IGF1R: variants seen among roughly 807,000 people sequenced by gnomAD.
The protein encoded by IGF1R is insulin-like growth factor 1 receptor.
IGF1R carries 44 observed loss-of-function variants against 144.6 expected under a neutral mutation model. That is an observed-to-expected ratio of 0.30 (90% CI 0.24 to 0.39). IGF1R has a LOEUF of 0.39. Ranked by LOEUF, IGF1R falls within the 10% of genes least tolerant of loss-of-function variation. IGF1R has a pLI of 1.00. For missense variants in IGF1R, 1,355 were observed against 1,833.7 expected (o/e 0.74, Z 4.77); for synonymous variants, 795 against 722.8 (o/e 1.10, Z -1.60).
chr15:98,777,871 C>G (rs550548111), intron 2 of IGF1R, among the ~76,000 whole-genome samples: 67 of 152,272 alleles, frequency 4.4e-4, no homozygotes, highest in Admixed American at 1.4e-3. Context: ...CAAATGTAGA[C>G]CACTGCAGAT....
Position 98,958,208 on chromosome 15 carries a change from G to C in IGF1R, c.*766G>C, listed in dbSNP as rs2017088160. 1 of 232,326 alleles carries C rather than the reference G, an allele frequency of 4.3e-6. No individual in the cohort carries two copies. Among genetic ancestry groups the C allele is most frequent in the South Asian group, 1.8e-4 (1 of 5,530 alleles). 14.4% of individuals were successfully genotyped at this position (232,326 alleles called of 1,614,324 possible). ...CAGGCACACAGGTCTCATTGCTTCT[G>C]ACTAGATTATTATTTGGGGGAACTG... is the stretch of plus-strand genomic sequence containing the variant. On this transcript the variant is annotated 3_prime_UTR_variant, in exon 21 of 21. Coordinates refer to ENST00000650285, the MANE Select transcript of IGF1R (RefSeq NM_000875.5).
At chr15:98,739,884 G>T (rs1373799212) in intron 2 of IGF1R, among the ~76,000 whole-genome samples, 2 of 152,168 alleles carry the variant, frequency 1.3e-5, no homozygotes, top group South Asian at 2.1e-4. Flanking sequence ...GAGCCACCGC[G>T]CCTGGCCTGC....
chr15:98,891,619 T>C lies in IGF1R; in HGVS notation c.935T>C (p.Ile312Thr). Residue 312 changes from isoleucine (I) to threonine (T), a missense_variant, in exon 3 of 21, where the codon ATC becomes ACC. Around this residue, in one of 7 missense-constraint regions of IGF1R, gnomAD observed 880 missense variants for 1,202.7 expected, o/e 0.73. Coordinates refer to ENST00000650285, the MANE Select transcript of IGF1R (RefSeq NM_000875.5). This position sits in a 1 kb window ranked among gnomAD's most constrained non-coding sequence, Gnocchi z 4.7. Reference sequence around the variant, plus strand: ...ATGCAGGAGTGCCCCTCGGGCTTCATCCGCAACGGCAGCCAGAGGTCAGTC... The same window carrying C: ...ATGCAGGAGTGCCCCTCGGGCTTCACCCGCAACGGCAGCCAGAGGTCAGTC... ...ECMQECPSGFIRNGSQSMYCI... is the reference protein window; with the variant it reads ...ECMQECPSGFTRNGSQSMYCI... 6.2e-7 allele frequency: 1 copy of C among 1,601,348 alleles called. No individual in the cohort carries two copies.
chr15:98,695,970 CT>C (rs147520150), intron 1 of IGF1R, among the ~76,000 whole-genome samples: 16,583 of 151,800 alleles, frequency 0.11, 1,643 homozygotes, highest in African/African-American at 0.26. Flanking sequence ...GGTCTCTCCC[CT>C]GGCCCCTTAC....
chr15:98,713,487 C>T (rs992197533), intron 2 of IGF1R, among the ~76,000 whole-genome samples: 3 of 152,124 alleles, frequency 2.0e-5, no homozygotes, highest in Non-Finnish European at 2.9e-5. Flanking sequence ...ACCACTATGG[C>T]GGGTAGCTCT....
chr15:98,887,814 C>G (rs2013715033), intron 2 of IGF1R, among the ~76,000 whole-genome samples: 1 of 152,250 alleles, frequency 6.6e-6, no homozygotes, highest in South Asian at 2.1e-4. Context: ...TCTCTTCTTT[C>G]AGCCCTACCC....
intron 2 of IGF1R, among the ~76,000 whole-genome samples, chr15:98,797,937 A>C (rs2056284525): frequency 6.6e-6 from 1 of 152,244 alleles, no homozygotes; most frequent in East Asian, 1.9e-4. Flanking sequence ...GGCCTTTCTG[A>C]AGAGGGGACA....
intron 3 of IGF1R, chr15:98,893,582 CT>C (rs2014034533): frequency 6.6e-6 from 1 of 152,186 alleles, no homozygotes; most frequent in African/African-American, 2.4e-5. Flanking sequence ...CACCTTCCTC[CT>C]TGGGGTGGGG....
intron 2 of IGF1R, among the ~76,000 whole-genome samples, chr15:98,762,818 C>A (rs373147338): frequency 1.3e-5 from 2 of 151,244 alleles, no homozygotes; most frequent in Non-Finnish European, 2.9e-5. Context: ...GAGGCCGAGG[C>A]GGGCCGATCA....
intron 13 of IGF1R, among the ~76,000 whole-genome samples, chr15:98,925,077 T>C (rs900620430): frequency 6.6e-6 from 1 of 151,964 alleles, no homozygotes; most frequent in African/African-American, 2.4e-5. Flanking sequence ...TAAAGCTAGA[T>C]AGGGCTCGGA....
intron 2 of IGF1R, among the ~76,000 whole-genome samples, chr15:98,838,778 G>A (rs1422800639): frequency 6.6e-6 from 1 of 152,232 alleles, no homozygotes; most frequent in African/African-American, 2.4e-5. Flanking sequence ...TGAGCATGAG[G>A]GAAGTAAGCA....
chr15:98,952,509 C>A (rs893700226), intron 20 of IGF1R, among the ~76,000 whole-genome samples: 1 of 152,154 alleles, frequency 6.6e-6, no homozygotes, highest in African/African-American at 2.4e-5. Flanking sequence ...AATACTAGAA[C>A]TGGTGGTATT....
In IGF1R at chr15:98,961,939, G is replaced by T; in HGVS notation, c.*4497G>T. ...GTAAAATAGAAGAGCAGTCACTGTG[G>T]AACTACCAAATGGCGAGATGCTCGG... is the stretch of plus-strand genomic sequence containing the variant. On this transcript the variant is annotated 3_prime_UTR_variant, in exon 21 of 21. Coordinates refer to ENST00000650285, the MANE Select transcript of IGF1R (RefSeq NM_000875.5). The T allele has an allele frequency of 4.3e-6, 1 of 233,346 alleles. No homozygotes were observed. The highest frequency in any genetic ancestry group is 2.2e-5 in the African/African-American group (1 of 45,484). 14.5% of individuals were successfully genotyped at this position (233,346 alleles called of 1,614,324 possible).
At chr15:98,926,218 C>G (rs1167575192) in intron 13 of IGF1R, among the ~76,000 whole-genome samples, 1 of 152,120 alleles carries the variant, frequency 6.6e-6, no homozygotes, top group Non-Finnish European at 1.5e-5. Flanking sequence ...AAGCCAGACA[C>G]AGAAAGAGAA....
At chr15:98,870,426 G>A (rs1358634967) in intron 2 of IGF1R, among the ~76,000 whole-genome samples, 1 of 152,192 alleles carries the variant, frequency 6.6e-6, no homozygotes, top group Non-Finnish European at 1.5e-5. Flanking sequence ...TGGGAATGAT[G>A]ACATCCAGCA....
chr15:98,767,252 T>C (rs1267986892), intron 2 of IGF1R, among the ~76,000 whole-genome samples: 2 of 152,242 alleles, frequency 1.3e-5, no homozygotes, highest in Non-Finnish European at 2.9e-5. Context: ...AAATTTTTCA[T>C]AGGTGGGATG....
At chr15:98,797,074 G>A (rs2056260675) in intron 2 of IGF1R, among the ~76,000 whole-genome samples, 2 of 152,220 alleles carry the variant, frequency 1.3e-5, no homozygotes, top group South Asian at 4.1e-4. Flanking sequence ...CCCTGTGTGG[G>A]GTGGCAGAGT....
intron 1 of IGF1R, among the ~76,000 whole-genome samples, chr15:98,676,980 G>A (rs543521744): frequency 6.6e-6 from 1 of 151,798 alleles, no homozygotes; most frequent in Admixed American, 6.6e-5. Context: ...CCGTTACCCA[G>A]GCTGGAGTGC....
chr15:98,653,836 G>T (rs1386618707), intron 1 of IGF1R, among the ~76,000 whole-genome samples: 1 of 152,190 alleles, frequency 6.6e-6, no homozygotes, highest in Non-Finnish European at 1.5e-5. Context: ...ATTTTCACTT[G>T]TTGCCTTAGA....
Sources: allele counts gnomAD v4.1 joint callset (sites outside exome capture counted in the v4.1 genomes callset), GRCh38; gene constraint gnomAD v4.1.1; regional missense constraint gnomAD v4.1.1; non-coding constraint Gnocchi (gnomAD v3.1); transcripts MANE v1.5; gene names NCBI Gene and HGNC (gene_info 2026-07-23, HGNC 2026-07-21).